Variants in HCN1 observed in about 807,000 individuals in gnomAD.
HCN1 encodes the protein hyperpolarization activated cyclic nucleotide gated potassium channel 1.
Under a neutral mutation model 78.9 loss-of-function variants are expected in HCN1, and 13 were observed. That is an observed-to-expected ratio of 0.16 (90% CI 0.11 to 0.26). The LOEUF is 0.26. Ranked by LOEUF, HCN1 falls within the 10% of genes least tolerant of loss-of-function variation. HCN1 has a pLI of 1.00. For missense variants in HCN1, 810 were observed against 1,154.3 expected (o/e 0.70, Z 4.32); for synonymous variants, 552 against 455.5 (o/e 1.21, Z -2.70).
At chr5:45,408,956 G>T (rs557567426) in intron 3 of HCN1, among the ~76,000 whole-genome samples, 4 of 152,088 alleles carry the variant, frequency 2.6e-5, no homozygotes, top group African/African-American at 9.7e-5. Flanking sequence ...TGTAGTCTTT[G>T]GGTGTTTATG....
At chr5:45,452,319 G>GTT (rs898985276) in intron 3 of HCN1, among the ~76,000 whole-genome samples, 10 of 137,440 alleles carry the variant, frequency 7.3e-5, no homozygotes, top group African/African-American at 2.4e-4. Context: ...AGGGTATTTA[G>GTT]TTTTTTTTTT....
At position 45,476,936 on chromosome 5, in the gene HCN1, AAAAAT is replaced by A. The variant is rs570300275; in HGVS notation, c.850-14934_850-14930del. 4.9e-3 allele frequency among the ~76,000 whole-genome samples: 741 copies of A among 152,292 alleles called. 3 individuals are homozygous for A. Among genetic ancestry groups the A allele is most frequent in the African/African-American group, 0.017 (707 of 41,564 alleles). On this transcript the variant is annotated intron_variant, in intron 2 of 7. Transcript: ENST00000303230. ...AGGATTAATAAATAATTGTGGAATT[AAAAAT>A]AATAATTTAAATAAATCTGCAATAA...
chr5:45,371,914 T>A (rs1190329122), intron 4 of HCN1, among the ~76,000 whole-genome samples: 3 of 107,930 alleles, frequency 2.8e-5, no homozygotes, highest in East Asian at 5.0e-4. Flanking sequence ...TTATAAAAAA[T>A]ATATAATATA....
At chr5:45,680,066 C>G (rs1434418876) in intron 1 of HCN1, among the ~76,000 whole-genome samples, 1 of 152,108 alleles carries the variant, frequency 6.6e-6, no homozygotes, top group Non-Finnish European at 1.5e-5. Flanking sequence ...GCTTTTCTCT[C>G]TCTTTCCAAC....
chr5:45,313,781 A>C (rs1443787321), intron 5 of HCN1, among the ~76,000 whole-genome samples: 2 of 152,218 alleles, frequency 1.3e-5, no homozygotes, highest in South Asian at 2.1e-4. Context: ...CTGAAGATCA[A>C]ATTAATGAAA....
At chr5:45,547,529 T>A (rs1743255011) in intron 2 of HCN1, among the ~76,000 whole-genome samples, 1 of 151,890 alleles carries the variant, frequency 6.6e-6, no homozygotes, top group South Asian at 2.1e-4. Flanking sequence ...AGCTTTAATG[T>A]AGAATTTGCT....
intron 5 of HCN1, among the ~76,000 whole-genome samples, chr5:45,328,276 A>G (rs753366264): frequency 2.6e-5 from 4 of 151,322 alleles, no homozygotes; most frequent in Admixed American, 1.3e-4. Context: ...TTTCTTCACA[A>G]TTTCATGAAT....
chr5:45,319,587 CT>C lies in HCN1; in HGVS notation c.1378-15749del, dbSNP rs1323711873. On this transcript the variant is annotated intron_variant, in intron 5 of 7. Coordinates refer to ENST00000303230, the MANE Select transcript of HCN1 (RefSeq NM_021072.4). ...TCTTCTTATACTCTTGACATGAGTT[CT>C]TTTTTTGGGGATATGCACTGCAAAT... Among the ~76,000 whole-genome samples, 3 of 151,492 alleles carry C rather than the reference CT, an allele frequency of 2.0e-5. No homozygotes were observed. In the Admixed American group the frequency reaches 2.0e-4, roughly 10 times the overall value.
At position 45,260,962 on chromosome 5, in the gene HCN1, C is replaced by T. The variant is rs139660444; in HGVS notation, c.*959G>A. 2,041 of 152,468 alleles carry T rather than the reference C, an allele frequency of 0.013. 23 individuals carry two copies. Among genetic ancestry groups the T allele is most frequent in the Middle Eastern group, 0.058 (17 of 294 alleles). 9.4% of individuals were successfully genotyped at this position (152,468 alleles called of 1,614,324 possible). ...TTATGGCAAGAAGAAAGAAAAGTAA[C>T]GATTTTTGGTGTAATACAAGCAATT... On this transcript the variant is annotated 3_prime_UTR_variant, in exon 8 of 8. Transcript: ENST00000303230.
At chr5:45,377,769 T>C (rs1163507736) in intron 4 of HCN1, among the ~76,000 whole-genome samples, 2 of 152,008 alleles carry the variant, frequency 1.3e-5, no homozygotes, top group African/African-American at 4.8e-5. Flanking sequence ...TATAAATACA[T>C]AAGACTATAA....
chr5:45,379,542 T>C (rs1017348998), intron 4 of HCN1, among the ~76,000 whole-genome samples: 1 of 152,178 alleles, frequency 6.6e-6, no homozygotes, highest in Non-Finnish European at 1.5e-5. Flanking sequence ...AATCAATTTA[T>C]GTCTGTATAA....
intron 2 of HCN1, among the ~76,000 whole-genome samples, chr5:45,549,448 A>G (rs916226873): frequency 2.6e-5 from 4 of 152,330 alleles, no homozygotes; most frequent in East Asian, 1.9e-4. Context: ...AGCCATATGT[A>G]GAAAGCTGAA....
Position 45,696,201 on chromosome 5 carries a change from C to G in HCN1, c.-108G>C. 1.8e-6 allele frequency: 1 copy of G among 554,272 alleles called. No homozygotes were observed. The allele number at this position is 554,272 out of a possible 1,614,324, so 34.3% of individuals were successfully genotyped here. A position where few individuals can be genotyped will look rare whatever the true frequency, so the allele number is the denominator to read the frequency against. On this transcript the variant is annotated 5_prime_UTR_variant, in exon 1 of 8. Transcript: ENST00000303230. ...GGGCCCGAGCCGGCTGCCGGCGAGC[C>G]CAGCTGCCCGTCGCGGCGGCGGCGG...
chr5:45,606,564 A>G (rs996217383), intron 2 of HCN1, among the ~76,000 whole-genome samples: 2 of 152,014 alleles, frequency 1.3e-5, no homozygotes, highest in South Asian at 4.1e-4. Flanking sequence ...AGAACCCTCA[A>G]TATCTCAAAG....
chr5:45,543,877 T>C lies in HCN1; in HGVS notation c.850-81870A>G, dbSNP rs75590034. Among the ~76,000 whole-genome samples the C allele has an allele frequency of 3.3e-5, 5 of 152,176 alleles. No homozygotes were observed. The East Asian group carries it at 5.8e-4, about 18-fold the overall frequency. On this transcript the variant is annotated intron_variant, in intron 2 of 7. Coordinates refer to ENST00000303230, the MANE Select transcript of HCN1 (RefSeq NM_021072.4). ...ATGCAAATACTCTTGCCTAAATAAT[T>C]CTTAGATATTATTTTTATTTCACGA...
At chr5:45,529,611 C>A (rs1222469156) in intron 2 of HCN1, among the ~76,000 whole-genome samples, 1 of 151,836 alleles carries the variant, frequency 6.6e-6, no homozygotes, top group East Asian at 1.9e-4. Flanking sequence ...TGATCAAATC[C>A]AAATGGTGTC....
intron 2 of HCN1, among the ~76,000 whole-genome samples, chr5:45,501,733 C>A (rs1020274507): frequency 1.3e-5 from 2 of 152,152 alleles, no homozygotes; most frequent in East Asian, 1.9e-4. Context: ...AGCCACTGTG[C>A]CCAGCCACAA....
intron 2 of HCN1, among the ~76,000 whole-genome samples, chr5:45,511,007 A>G (rs1003214458): frequency 6.6e-6 from 1 of 151,618 alleles, no homozygotes; most frequent in Admixed American, 6.6e-5. Flanking sequence ...TTCATCATGT[A>G]GGTAATATGA....
At chr5:45,589,305 A>T (rs1299980895) in intron 2 of HCN1, among the ~76,000 whole-genome samples, 1 of 152,170 alleles carries the variant, frequency 6.6e-6, no homozygotes, top group African/African-American at 2.4e-5. Context: ...TAGGGAAGAA[A>T]TAATGTGATA....
Sources: allele counts gnomAD v4.1 joint callset (sites outside exome capture counted in the v4.1 genomes callset), GRCh38; gene constraint gnomAD v4.1.1; transcripts MANE v1.5; gene names NCBI Gene and HGNC (gene_info 2026-07-23, HGNC 2026-07-21).